Variants in COG1 observed in about 807,000 individuals in gnomAD.
COG1 encodes the protein conserved oligomeric Golgi complex subunit 1.
In COG1, 61 loss-of-function variants were observed where a neutral mutation model predicts 102.2. The ratio of observed to expected loss-of-function variants is 0.60; its 90% CI spans 0.49 to 0.74. COG1 has a LOEUF of 0.74. Ranked by LOEUF, COG1 falls within the 30% of genes least tolerant of loss-of-function variation. The pLI, the probability that COG1 is intolerant of heterozygous loss-of-function variation, is 0.00. For missense variants in COG1, 1,164 were observed against 1,232.1 expected, an observed-to-expected ratio of 0.94 and a Z score of 0.83; for synonymous variants, 454 against 493.6, an observed-to-expected ratio of 0.92 and a Z score of 1.06.
At chr17:73,198,609 G>A (rs751900345) in intron 4 of COG1, among the ~76,000 whole-genome samples, 1 of 152,138 alleles carries the variant, frequency 6.6e-6, no homozygotes, top group African/African-American at 2.4e-5. Flanking sequence ...GAGAGAAAAC[G>A]TTGCATTGGC....
chr17:73,203,440 C>G (rs1373853252), intron 8 of COG1, 192 bp from the exon 9 acceptor site: 1 of 748,850 alleles, frequency 1.3e-6, no homozygotes, highest in Non-Finnish European at 2.2e-6. Context: ...AGCCTCAGAC[C>G]GTGGAGGCAG....
chr17:73,207,369 C>T (rs1476609003), intron 13 of COG1, 113 bp downstream of exon 13: 4 of 984,252 alleles, frequency 4.1e-6, no homozygotes, highest in Non-Finnish European at 6.4e-6. Context: ...ACAAAATGCA[C>T]TAATGCTGCT....
chr17:73,206,784 A>C lies in COG1; in HGVS notation c.2696A>C (p.His899Pro). ...AGTACGTTCAACTCCCAAGAACCCC[A>C]TAACATCCTGCCACTGGCATCCAGT... ...RSSTFNSQEP[H>P]NILPLASSQI... The change falls in exon 12 of 14, where the codon CAT (histidine) becomes CCT (proline). Residue 899 changes from histidine to proline, a missense_variant. By Grantham distance (77) the His-to-Pro change is moderately conservative (BLOSUM62 -2). Coordinates refer to ENST00000299886, the MANE Select transcript of COG1 (RefSeq NM_018714.3). 1.9e-6 allele frequency: 3 copies of C among 1,613,742 alleles called. No homozygotes were observed. Among genetic ancestry groups the C allele is most frequent in the South Asian group, 2.2e-5 (2 of 91,062 alleles).
At chr17:73,197,478 G>A in intron 4 of COG1, 82 bp downstream of exon 4, 16 of 1,481,226 alleles carry the variant, frequency 1.1e-5, no homozygotes, top group Non-Finnish European at 1.5e-5. Context: ...CAGCCACCAT[G>A]CTAGGCTCTG....
chr17:73,206,070 A>G, intron 10 of COG1, 84 bp from the exon 11 acceptor site: 1 of 1,166,328 alleles, frequency 8.6e-7, no homozygotes, highest in African/African-American at 1.5e-5. Context: ...ACCCAACTCC[A>G]AGATTTCTAC....
Position 73,196,503 on chromosome 17 carries a change from G to C in COG1, c.316-4G>C, listed in dbSNP as rs1599323322. On this transcript the variant is annotated splice_region_variant and splice_polypyrimidine_tract_variant and intron_variant, in intron 1 of 13. Transcript: ENST00000299886. ...CTGGTTTAGTTCTGTGCCTTCCCCT[G>C]CAGCCACAGCAGCCATCCCAGGAGA... 6.2e-7 allele frequency: 1 copy of C among 1,614,104 alleles called. No homozygotes were observed. The highest frequency in any genetic ancestry group is 1.3e-5 in the African/African-American group (1 of 75,018).
At chr17:73,203,313 T>G in intron 8 of COG1, 167 bp downstream of exon 8, 1 of 889,490 alleles carries the variant, frequency 1.1e-6, no homozygotes, top group Non-Finnish European at 1.8e-6. Context: ...AATGGCAGAC[T>G]GTTCAAGAAG....
At chr17:73,197,190 G>A (rs1218735419) in intron 3 of COG1, 36 bp from the exon 4 acceptor site, 1 of 1,614,080 alleles carries the variant, frequency 6.2e-7, no homozygotes, top group Non-Finnish European at 8.5e-7. Context: ...CTTTGGGAAA[G>A]GTAATTGTTT....
At position 73,199,134 on chromosome 17, in the gene COG1, G is replaced by A. The variant is rs909144728; in HGVS notation, c.914-731G>A. 2.0e-5 allele frequency among the ~76,000 whole-genome samples: 3 copies of A among 152,290 alleles called. No homozygotes were observed. The East Asian group carries it at 5.8e-4, about 29-fold the overall frequency. ...GCCTTATGCTCAGAACACAGTGAAC[G>A]GGGCCTCCCAGAGTTGCGCAGTGCA... On this transcript the variant is annotated intron_variant, in intron 4 of 13. Transcript: ENST00000299886.
rs768929477 is a variant in COG1 at position 73,200,644 on chromosome 17, G to T, written c.1149G>T (p.Arg383=). Residue 383 remains arginine (R), a synonymous_variant, in exon 6 of 14, where the codon CGG becomes CGT. Coordinates refer to ENST00000299886, the MANE Select transcript of COG1 (RefSeq NM_018714.3). ...GCATGAAGGGTCTCGCGGGAATCCG[G>T]GACGCCATGTGGGAGTTACTTACCA... The part of the protein sequence containing the change: ...VKSMKGLAGI[R]DAMWELLTNE... 4 of 1,614,136 alleles carry T rather than the reference G, an allele frequency of 2.5e-6. No individual in the cohort carries two copies. The highest frequency in any genetic ancestry group is 2.2e-5 in the East Asian group (1 of 44,876).
At chr17:73,203,447 G>A in intron 8 of COG1, 185 bp from the exon 9 acceptor site, 1 of 759,784 alleles carries the variant, frequency 1.3e-6, no homozygotes, top group South Asian at 1.7e-5. Flanking sequence ...GACCGTGGAG[G>A]CAGTAACAGC....
Position 73,199,232 on chromosome 17 carries a change from C to T in COG1, c.914-633C>T, listed in dbSNP as rs567592983. Among the ~76,000 whole-genome samples the T allele has an allele frequency of 8.8e-4, 134 of 152,290 alleles. 2 individuals carry two copies. The Middle Eastern group carries it at 0.02, about 23-fold the overall frequency. On this transcript the variant is annotated intron_variant, in intron 4 of 13. Transcript: ENST00000299886. The stretch of plus-strand genomic sequence containing the variant: ...TCAGTTAATCAGGATAAGCAGTCAT[C>T]GATTCTTTCCTTCCATCTTCGGGGG...
Position 73,199,979 on chromosome 17 carries a change from G to T in COG1, c.1028G>T (p.Ser343Ile), listed in dbSNP as rs1377198918. 1 of 1,614,024 alleles carries T rather than the reference G, an allele frequency of 6.2e-7. No individual in the cohort carries two copies. The highest frequency in any genetic ancestry group is 8.5e-7 in the Non-Finnish European group (1 of 1,179,978). The change falls in exon 5 of 14, where the codon AGT becomes ATT. Residue 343 changes from serine (S) to isoleucine (I), a missense_variant. Ser to Ile is a moderately radical substitution (Grantham distance 142). Coordinates refer to ENST00000299886, the MANE Select transcript of COG1 (RefSeq NM_018714.3). ...PTLRTLAHPI[S>I]QEYLKDTLQK... is the part of the protein sequence containing the mutation. ...CTCCGAACCCTTGCACATCCCATCAGTCAGGAATACCTGAAAGACACGCTG... is the reference window on the plus strand; with the variant it reads ...CTCCGAACCCTTGCACATCCCATCATTCAGGAATACCTGAAAGACACGCTG...
chr17:73,204,685 G>A (rs1164900430), intron 9 of COG1, among the ~76,000 whole-genome samples: 2 of 148,094 alleles, frequency 1.4e-5, no homozygotes, highest in African/African-American at 2.5e-5. Context: ...TCAGCCTCCC[G>A]AATAGTTGGG....
At chr17:73,199,757 A>T in intron 4 of COG1, 108 bp from the exon 5 acceptor site, 1 of 1,297,754 alleles carries the variant, frequency 7.7e-7, no homozygotes, top group Non-Finnish European at 1.1e-6. Context: ...TCTTTTTTGT[A>T]GAGGTGAGGT....
intron 13 of COG1, 180 bp downstream of exon 13, chr17:73,207,436 G>GTGTAAAAGATGCCCGC: frequency 1.4e-6 from 1 of 730,090 alleles, no homozygotes; most frequent in Non-Finnish European, 2.4e-6. Flanking sequence ...CTACTAGAAG[G>GTGTAAAAGATGCCCGC]TGTAAAAGAT....
rs771914726 is a variant in COG1, at chr17:73,203,611, G to A, written c.2221-21G>A. ...TTTAATTGGTGCAAGTTGGCAATGT[G>A]ACATTTCTTTGTTCTTTTAGCCGTC... On this transcript the variant is annotated intron_variant, in intron 8 of 13. Transcript: ENST00000299886. 2.0e-5 allele frequency: 33 copies of A among 1,613,976 alleles called. No homozygotes were observed. The South Asian group carries it at 3.4e-4, about 17-fold the overall frequency.
chr17:73,205,195 C>A, intron 9 of COG1: 2 of 303,280 alleles, frequency 6.6e-6, no homozygotes, highest in Non-Finnish European at 1.3e-5. Flanking sequence ...AACAAAAACC[C>A]AAGAAGGAAC....
Position 73,193,166 on chromosome 17 carries a change from C to A in COG1, c.97C>A (p.Leu33Met). 6.2e-7 allele frequency: 1 copy of A among 1,608,226 alleles called. No homozygotes were observed. The highest frequency in any genetic ancestry group is 8.5e-7 in the Non-Finnish European group (1 of 1,177,962). Residue 33 changes from leucine (L) to methionine (M), a missense_variant, in exon 1 of 14, where the codon CTG (leucine) becomes ATG (methionine). Physicochemically the swap from Leu to Met is conservative, Grantham distance 15. Transcript: ENST00000299886. ...GCATGGAGCGGAGGAGATCCGCGGGCTGGAGCGCCAGGTTCGGGCCGAGAT... is the reference window on the plus strand; with the variant it reads ...GCATGGAGCGGAGGAGATCCGCGGGATGGAGCGCCAGGTTCGGGCCGAGAT... Reference protein sequence around the residue: ...ETHGAEEIRGLERQVRAEIEH... With the variant: ...ETHGAEEIRGMERQVRAEIEH...
Sources: allele counts gnomAD v4.1 joint callset (sites outside exome capture counted in the v4.1 genomes callset), GRCh38; gene constraint gnomAD v4.1.1; transcripts MANE v1.5; gene names NCBI Gene and HGNC (gene_info 2026-07-23, HGNC 2026-07-21).